Variants in FCHO2 observed in about 807,000 individuals in gnomAD.
The protein encoded by FCHO2 is F-BAR domain only protein 2.
A neutral mutation model predicts 114.1 loss-of-function variants in FCHO2; 43 were observed. The ratio of observed to expected loss-of-function variants is 0.38; its 90% CI spans 0.30 to 0.49. The LOEUF (loss-of-function observed/expected upper bound fraction) is 0.49, where lower values mean the gene tolerates loss of function less well. FCHO2 is among the 20% of genes least tolerant of loss of function. FCHO2 has a pLI of 0.97. For missense variants in FCHO2, 807 were observed against 950.4 expected (o/e 0.85, Z 1.98); for synonymous variants, 293 against 315.2 (o/e 0.93, Z 0.75).
intron 2 of FCHO2, among the ~76,000 whole-genome samples, chr5:72,974,405 T>C (rs1418960137): frequency 6.7e-6 from 1 of 148,398 alleles, no homozygotes; most frequent in Non-Finnish European, 1.5e-5. Context: ...GGTGCATATA[T>C]ATTTAGGATA....
At chr5:73,028,196 G>A (rs1756043775) in intron 8 of FCHO2, among the ~76,000 whole-genome samples, 1 of 151,814 alleles carries the variant, frequency 6.6e-6, no homozygotes, top group Non-Finnish European at 1.5e-5. Context: ...GACTCCATCT[G>A]GGAAAAAGAA....
intron 1 of FCHO2, among the ~76,000 whole-genome samples, chr5:72,965,913 T>G: frequency 6.6e-6 from 1 of 152,022 alleles, no homozygotes. Flanking sequence ...GAGAGGGAGG[T>G]TAGGCATGTT....
intron 1 of FCHO2, among the ~76,000 whole-genome samples, chr5:72,962,157 A>AT (rs896673108): frequency 1.3e-5 from 2 of 152,098 alleles, no homozygotes; most frequent in Admixed American, 6.5e-5. Context: ...GATTTGTTTT[A>AT]TTTTTTAACC....
chr5:72,956,218 G>A, intron 1 of FCHO2, 89 bp downstream of exon 1: 2 of 1,494,158 alleles, frequency 1.3e-6, no homozygotes, highest in South Asian at 1.3e-5. Context: ...GGCGGCGGCG[G>A]CGGCCCCTCC....
At chr5:72,959,716 T>C (rs2112577361) in intron 1 of FCHO2, among the ~76,000 whole-genome samples, 1 of 152,260 alleles carries the variant, frequency 6.6e-6, no homozygotes, top group African/African-American at 2.4e-5. Flanking sequence ...AGTGAGGTAG[T>C]GAGAACCTTT....
intron 18 of FCHO2, among the ~76,000 whole-genome samples, chr5:73,064,504 G>C (rs903451438): frequency 2.0e-5 from 3 of 152,014 alleles, no homozygotes; most frequent in Non-Finnish European, 2.9e-5. Context: ...GATCTGGTTT[G>C]TTTTGCTTCA....
At chr5:73,015,530 T>C in intron 6 of FCHO2, 96 bp from the exon 7 acceptor site, 1 of 705,112 alleles carries the variant, frequency 1.4e-6, no homozygotes, top group Admixed American at 3.8e-5. Context: ...CCCAAAGTGC[T>C]GGGAGAGATG....
chr5:73,033,735 CAT>C (rs1445928013), intron 8 of FCHO2, among the ~76,000 whole-genome samples: 3 of 152,108 alleles, frequency 2.0e-5, no homozygotes, highest in Non-Finnish European at 4.4e-5. Flanking sequence ...TTTTTAGTCT[CAT>C]ATTTAGCTTC....
intron 8 of FCHO2, among the ~76,000 whole-genome samples, chr5:73,017,600 A>G (rs1755373114): frequency 6.6e-6 from 1 of 152,154 alleles, no homozygotes. Flanking sequence ...TGGTTATTAT[A>G]ACATTTTACT....
chr5:73,043,675 G>T (rs947681524), intron 11 of FCHO2, among the ~76,000 whole-genome samples: 2 of 152,174 alleles, frequency 1.3e-5, no homozygotes, highest in African/African-American at 4.8e-5. Flanking sequence ...TGTGTCTGCT[G>T]ATATGGAAAG....
At chr5:73,036,098 G>A (rs780790256) in intron 9 of FCHO2, among the ~76,000 whole-genome samples, 6 of 151,942 alleles carry the variant, frequency 3.9e-5, no homozygotes, top group African/African-American at 4.8e-5. Context: ...CGCCCACGTC[G>A]GCCTTCCAAA....
intron 21 of FCHO2, among the ~76,000 whole-genome samples, 196 bp from the exon 22 acceptor site, chr5:73,077,984 A>AT (rs1343029412): frequency 6.6e-6 from 1 of 151,992 alleles, no homozygotes; most frequent in Non-Finnish European, 1.5e-5. Context: ...TTATTTTAAG[A>AT]TTCTTTTCTC....
At chr5:72,990,962 A>G in intron 5 of FCHO2, 98 bp downstream of exon 5, 7 of 1,337,452 alleles carry the variant, frequency 5.2e-6, no homozygotes, top group South Asian at 1.6e-5. Flanking sequence ...ATCTCATTTT[A>G]AAGATGAAGA....
Position 72,997,262 on chromosome 5 carries a change from T to C in FCHO2, c.495+6398T>C, listed in dbSNP as rs1580071402. On this transcript the variant is annotated intron_variant, in intron 5 of 25. Transcript: ENST00000430046. ...TTAGAGGCCCCATGTGGATTTCTTT[T>C]TGGAAGTCGTGAGCGAGTGGTGGGA... 4.0e-6 allele frequency: 5 copies of C among 1,258,334 alleles called. No individual in the cohort carries two copies. In the East Asian group the frequency reaches 9.3e-5, roughly 23 times the overall value. 77.9% of individuals were successfully genotyped at this position (1,258,334 alleles called of 1,614,324 possible).
rs1383944519 is a variant in FCHO2 at position 73,068,755 on chromosome 5, A to G, written c.1555A>G (p.Ser519Gly). ...SSSISSSASL[S>G]AANTPTVGVS... ...TTCTATCTCATCATCTGCTTCATTG[A>G]GTGCTGCCAATACTCCAACAGTAGG... The change falls in exon 19 of 26, where the codon AGT (serine) becomes GGT (glycine). Residue 519 changes from serine (S) to glycine (G), a missense_variant. Transcript: ENST00000430046. 6.2e-7 allele frequency: 1 copy of G among 1,611,978 alleles called. No homozygotes were observed. Among genetic ancestry groups the G allele is most frequent in the Non-Finnish European group, 8.5e-7 (1 of 1,178,798 alleles).
At chr5:73,056,236 T>G (rs1757587067) in intron 16 of FCHO2, 129 bp downstream of exon 16, 1 of 650,198 alleles carries the variant, frequency 1.5e-6, no homozygotes, top group Non-Finnish European at 2.6e-6. Context: ...ATATGCCCAG[T>G]CTCTCTCACA....
chr5:73,030,991 T>C (rs1756210636), intron 8 of FCHO2, among the ~76,000 whole-genome samples: 1 of 152,198 alleles, frequency 6.6e-6, no homozygotes, highest in African/African-American at 2.4e-5. Flanking sequence ...TTTGTTATCA[T>C]TTACCTTTTA....
chr5:73,010,371 T>G (rs925114852), intron 6 of FCHO2, among the ~76,000 whole-genome samples: 4 of 152,154 alleles, frequency 2.6e-5, no homozygotes, highest in African/African-American at 9.7e-5. Flanking sequence ...AATATGGAGA[T>G]TTTGTTTACT....
rs1743407283 is a variant in FCHO2 at position 73,089,199 on chromosome 5, A to T, written c.*1109A>T. ...TGAATTTTAAAACAAATTCTAAAAAAACTATAGTGCTAAATTGGTAACTGG... is the reference window on the plus strand; with the variant it reads ...TGAATTTTAAAACAAATTCTAAAAATACTATAGTGCTAAATTGGTAACTGG... On this transcript the variant is annotated 3_prime_UTR_variant, in exon 26 of 26. Transcript: ENST00000430046. 1.3e-5 allele frequency: 2 copies of T among 152,564 alleles called. No individual in the cohort carries two copies. Among genetic ancestry groups the T allele is most frequent in the South Asian group, 4.1e-4 (2 of 4,830 alleles). The allele number at this position is 152,564 out of a possible 1,614,324, so 9.5% of individuals were successfully genotyped here. A position where few individuals can be genotyped will look rare whatever the true frequency, so the allele number is the denominator to read the frequency against.
Sources: allele counts gnomAD v4.1 joint callset (sites outside exome capture counted in the v4.1 genomes callset), GRCh38; gene constraint gnomAD v4.1.1; transcripts MANE v1.5; gene names NCBI Gene and HGNC (gene_info 2026-07-23, HGNC 2026-07-21).